Variants in CHIC1 observed in about 807,000 individuals in gnomAD.
CHIC1 encodes the protein cysteine rich hydrophobic domain 1.
A neutral mutation model predicts 18.5 loss-of-function variants in CHIC1; 7 were observed. That is an observed-to-expected ratio of 0.38 (90% CI 0.22 to 0.71). The LOEUF (loss-of-function observed/expected upper bound fraction) is 0.71. Ranked by LOEUF, CHIC1 falls within the 30% of genes least tolerant of loss-of-function variation. The pLI is 0.49. For missense variants in CHIC1, 159 were observed against 176.9 expected (o/e 0.90, Z 0.57); for synonymous variants, 77 against 73.5 (o/e 1.05, Z -0.25).
intron 3 of CHIC1, among the ~76,000 whole-genome samples, chrX:73,674,470 A>G (rs775047479): frequency 1.1e-4 from 12 of 111,787 alleles, no homozygotes; most frequent in African/African-American, 1.6e-4. Flanking sequence ...GGGAGGGTGT[A>G]TGTGTCCAGG....
chrX:73,610,188 T>C (rs2057701117), intron 3 of CHIC1, among the ~76,000 whole-genome samples: 1 of 109,297 alleles, frequency 9.1e-6, no homozygotes, highest in African/African-American at 3.5e-5. Flanking sequence ...TCCATTTCCA[T>C]CCACGTTGCT....
chrX:73,674,368 T>A (rs1030140165), intron 3 of CHIC1, among the ~76,000 whole-genome samples: 3 of 111,944 alleles, frequency 2.7e-5, no homozygotes, highest in Non-Finnish European at 5.6e-5. Flanking sequence ...GGTCCTGGAC[T>A]TTTTTTGGTT....
At chrX:73,624,411 T>C (rs1423142966) in intron 3 of CHIC1, among the ~76,000 whole-genome samples, 1 of 111,632 alleles carries the variant, frequency 9.0e-6, no homozygotes, top group Non-Finnish European at 1.9e-5. Context: ...AAAGAAAAAT[T>C]TTTTTAATCT....
chrX:73,642,023 G>A (rs2057859488), intron 3 of CHIC1, among the ~76,000 whole-genome samples: 1 of 111,364 alleles, frequency 9.0e-6, no homozygotes, highest in African/African-American at 3.3e-5. Context: ...TAGTCCTTTG[G>A]GTATATACCC....
intron 3 of CHIC1, among the ~76,000 whole-genome samples, chrX:73,612,116 A>T (rs1306362567): frequency 9.0e-6 from 1 of 110,588 alleles, no homozygotes; most frequent in East Asian, 2.8e-4. Flanking sequence ...CCTGAATGGT[A>T]TTGCCTAAGT....
chrX:73,597,644 A>G (rs1226027982), intron 3 of CHIC1, among the ~76,000 whole-genome samples: 2 of 108,356 alleles, frequency 1.8e-5, no homozygotes, highest in African/African-American at 6.7e-5. Flanking sequence ...TACGCACTAT[A>G]AGTTTTGGGA....
At chrX:73,676,326 T>A (rs2058062736) in intron 3 of CHIC1, among the ~76,000 whole-genome samples, 2 of 112,084 alleles carry the variant, frequency 1.8e-5, no homozygotes, top group African/African-American at 6.5e-5. Context: ...CTGGAGAGTG[T>A]TTTCCAACTT....
intron 3 of CHIC1, among the ~76,000 whole-genome samples, chrX:73,623,903 C>T (rs1287764678): frequency 1.8e-5 from 2 of 111,397 alleles, no homozygotes; most frequent in Admixed American, 9.6e-5. Context: ...ACACACAACA[C>T]GTATAAATAC....
intron 3 of CHIC1, among the ~76,000 whole-genome samples, chrX:73,587,360 G>A (rs56401586): frequency 0.048 from 5,361 of 111,502 alleles, 319 homozygotes; most frequent in African/African-American, 0.16. Context: ...GATACATTAA[G>A]TGAGGCTTTT....
At position 73,601,151 on chromosome X, in the gene CHIC1, C is replaced by T. The variant is rs1173737779; in HGVS notation, c.507+16579C>T. 1.8e-4 allele frequency among the ~76,000 whole-genome samples: 19 copies of T among 105,880 alleles called. 1 individual carries two copies. The highest frequency in any genetic ancestry group is 6.3e-4 in the African/African-American group (17 of 26,996). The allele number at this position is 105,880 out of a possible 115,157, so 91.9% of individuals were successfully genotyped here. ...CCACTGTCAACATTAGACAGATCAA[C>T]GAAACAGAAAGTCAACAAGGATACC... is the stretch of plus-strand genomic sequence containing the variant. On this transcript the variant is annotated intron_variant, in intron 3 of 5. Transcript: ENST00000373502.
At chrX:73,624,402 A>C in intron 3 of CHIC1, among the ~76,000 whole-genome samples, 1 of 111,774 alleles carries the variant, frequency 8.9e-6, no homozygotes, top group Non-Finnish European at 1.9e-5. Context: ...GTGCTCTTTA[A>C]AGAAAAATTT....
chrX:73,686,377 T>A lies in CHIC1; in HGVS notation c.*5372T>A, dbSNP rs1377532166. 9.0e-6 allele frequency: 1 copy of A among 111,328 alleles called. No homozygotes were observed. The highest frequency in any genetic ancestry group is 1.9e-5 in the Non-Finnish European group (1 of 52,872). The allele number at this position is 111,328 out of a possible 1,213,427, so 9.2% of individuals were successfully genotyped here. ...TTAGAATATCACTGGCCTAATTTATTTAGGTGTGTACATGTTGCTCATACA... is the reference window on the plus strand; with the variant it reads ...TTAGAATATCACTGGCCTAATTTATATAGGTGTGTACATGTTGCTCATACA... On this transcript the variant is annotated 3_prime_UTR_variant, in exon 6 of 6. Coordinates refer to ENST00000373502, the MANE Select transcript of CHIC1 (RefSeq NM_001039840.4).
intron 3 of CHIC1, among the ~76,000 whole-genome samples, chrX:73,673,720 C>T (rs1343454787): frequency 9.0e-6 from 1 of 111,659 alleles, no homozygotes; most frequent in Non-Finnish European, 1.9e-5. Context: ...TTCCTCTTTT[C>T]CTAATTGAAT....
chrX:73,612,553 T>A (rs1004404805), intron 3 of CHIC1, among the ~76,000 whole-genome samples: 1 of 111,979 alleles, frequency 8.9e-6, no homozygotes, highest in African/African-American at 3.2e-5. Flanking sequence ...CATCCCTAAT[T>A]TCTTGTTAAC....
At chrX:73,663,694 A>G (rs2057991563) in intron 3 of CHIC1, among the ~76,000 whole-genome samples, 1 of 110,941 alleles carries the variant, frequency 9.0e-6, no homozygotes, top group Non-Finnish European at 1.9e-5. Context: ...TAAGGTAATC[A>G]TGTGTCTCTG....
At chrX:73,664,638 G>A (rs181976268) in intron 3 of CHIC1, among the ~76,000 whole-genome samples, 3 of 111,503 alleles carry the variant, frequency 2.7e-5, no homozygotes, top group East Asian at 2.8e-4. Context: ...GGCCCTTGTC[G>A]AACATTTACA....
At chrX:73,657,744 G>T (rs1226352912) in intron 3 of CHIC1, among the ~76,000 whole-genome samples, 3 of 111,682 alleles carry the variant, frequency 2.7e-5, no homozygotes, top group African/African-American at 9.8e-5. Context: ...TATGATATTG[G>T]CTGTAGATTT....
intron 3 of CHIC1, among the ~76,000 whole-genome samples, chrX:73,607,978 A>T (rs1374317412): frequency 9.2e-6 from 1 of 109,035 alleles, no homozygotes; most frequent in Non-Finnish European, 1.9e-5. Context: ...CTTAGAAATC[A>T]TAGCAAAATC....
At chrX:73,672,519 GTGA>G (rs1191137282) in intron 3 of CHIC1, among the ~76,000 whole-genome samples, 2 of 112,561 alleles carry the variant, frequency 1.8e-5, no homozygotes, top group African/African-American at 3.2e-5. Context: ...CTGATGGCCA[GTGA>G]TGATGAGCAT....
Sources: allele counts gnomAD v4.1 joint callset (sites outside exome capture counted in the v4.1 genomes callset), GRCh38; gene constraint gnomAD v4.1.1; transcripts MANE v1.5; gene names NCBI Gene and HGNC (gene_info 2026-07-23, HGNC 2026-07-21).